PARD3: variants seen among roughly 807,000 people sequenced by gnomAD.
The protein encoded by PARD3 is partitioning defective 3 homolog.
A neutral mutation model predicts 155.4 loss-of-function variants in PARD3; 75 were observed. The ratio of observed to expected loss-of-function variants is 0.48; its 90% CI spans 0.40 to 0.58. PARD3 has a LOEUF of 0.58. Ranked by LOEUF, PARD3 falls within the 20% of genes least tolerant of loss-of-function variation. PARD3 has a pLI of 0.00. For synonymous variants in PARD3, 576 were observed against 610.5 expected (o/e 0.94, Z 0.83); for missense variants, 1,642 against 1,721.7 (o/e 0.95, Z 0.82).
intron 2 of PARD3, among the ~76,000 whole-genome samples, chr10:34,678,991 C>G (rs1004796499): frequency 6.6e-6 from 1 of 152,112 alleles, no homozygotes; most frequent in East Asian, 1.9e-4. Flanking sequence ...CCCCTTCGCT[C>G]TGTCTGCCAT....
intron 4 of PARD3, 126 bp downstream of exon 4, chr10:34,469,959 C>G (rs747620279): frequency 7.7e-6 from 5 of 646,188 alleles, no homozygotes; most frequent in Non-Finnish European, 1.0e-5. Flanking sequence ...GTTGGTACCA[C>G]GCTCACAAAA....
At chr10:34,686,729 A>G (rs11009873) in intron 2 of PARD3, among the ~76,000 whole-genome samples, 91,901 of 151,158 alleles carry the variant, frequency 0.61, 28,859 homozygotes, top group Non-Finnish European at 0.67. Flanking sequence ...AAACAAGAGC[A>G]AAACTCCATC....
At chr10:34,445,318 A>G (rs1464160599) in intron 5 of PARD3, among the ~76,000 whole-genome samples, 1 of 152,196 alleles carries the variant, frequency 6.6e-6, no homozygotes, top group South Asian at 2.1e-4. Flanking sequence ...TTCTGAAAAA[A>G]TTTGAGAGGG....
intron 3 of PARD3, among the ~76,000 whole-genome samples, chr10:34,512,571 G>GA (rs2081464840): frequency 6.6e-6 from 1 of 152,152 alleles, no homozygotes; most frequent in African/African-American, 2.4e-5. Flanking sequence ...CCCCTCAAAT[G>GA]AAAAATGCTA....
intron 20 of PARD3, among the ~76,000 whole-genome samples, chr10:34,306,262 C>T (rs1957404853): frequency 6.7e-6 from 1 of 149,938 alleles, no homozygotes; most frequent in South Asian, 2.1e-4. Context: ...GCCTGGGCGA[C>T]AGAGCAAGAA....
intron 9 of PARD3, among the ~76,000 whole-genome samples, chr10:34,380,456 T>C (rs1182418031): frequency 6.6e-6 from 1 of 152,166 alleles, no homozygotes; most frequent in African/African-American, 2.4e-5. Flanking sequence ...ATAATATCTG[T>C]ATTCAAAACA....
chr10:34,517,028 A>G lies in PARD3; in HGVS notation c.354T>C (p.Pro118=). The G allele has an allele frequency of 1.2e-6, 2 of 1,614,174 alleles. No individual in the cohort carries two copies. Among genetic ancestry groups the G allele is most frequent in the South Asian group, 2.2e-5 (2 of 91,078 alleles). Residue 118 remains proline (P), a synonymous_variant, in exon 3 of 25, where the codon CCT becomes CCC. Coordinates refer to ENST00000374788, the MANE Select transcript of PARD3 (RefSeq NM_001184785.2). ...LGTNNVSAFQ[P]YQATSEIEVT... ...CCTCAATTTCACTTGTTGCTTGGTA[A>G]GGCTGAAAGGCTGAGACATTGTTGG...
intron 5 of PARD3, among the ~76,000 whole-genome samples, chr10:34,424,027 C>T (rs1211578075): frequency 1.3e-5 from 2 of 152,124 alleles, no homozygotes; most frequent in African/African-American, 4.8e-5. Context: ...TGAAGATTAA[C>T]CCTTAAATTC....
At chr10:34,553,291 C>G (rs2084735912) in intron 2 of PARD3, among the ~76,000 whole-genome samples, 1 of 152,154 alleles carries the variant, frequency 6.6e-6, no homozygotes, top group Admixed American at 6.6e-5. Flanking sequence ...GCTTCCTCCC[C>G]AGTCTCTGAA....
At chr10:34,397,622 T>C (rs1053121863) in intron 7 of PARD3, among the ~76,000 whole-genome samples, 1 of 152,222 alleles carries the variant, frequency 6.6e-6, no homozygotes, top group African/African-American at 2.4e-5. Flanking sequence ...TTAATCTAGA[T>C]AGTAAGTTTA....
chr10:34,263,174 A>T (rs554153732), intron 22 of PARD3, among the ~76,000 whole-genome samples: 2 of 152,362 alleles, frequency 1.3e-5, no homozygotes, highest in East Asian at 3.9e-4. Context: ...TGAGAGTAAA[A>T]GCCCATTTCC....
intron 2 of PARD3, among the ~76,000 whole-genome samples, chr10:34,624,983 A>AGAAAGG (rs1231276828): frequency 5.3e-5 from 8 of 152,220 alleles, no homozygotes; most frequent in African/African-American, 9.6e-5. Flanking sequence ...GCAAAGACAT[A>AGAAAGG]CAAGAGCTAA....
intron 2 of PARD3, among the ~76,000 whole-genome samples, chr10:34,533,190 G>A (rs1383319556): frequency 7.2e-5 from 11 of 152,138 alleles, no homozygotes; most frequent in Non-Finnish European, 1.3e-4. Context: ...CCATATAAAT[G>A]TACGAAGGCA....
chr10:34,212,869 C>T (rs1951822599), intron 22 of PARD3, among the ~76,000 whole-genome samples: 1 of 152,162 alleles, frequency 6.6e-6, no homozygotes, highest in Admixed American at 6.5e-5. Flanking sequence ...ACCAACACTG[C>T]CACCAAACCT....
At chr10:34,312,956 A>G (rs1033058341) in intron 20 of PARD3, among the ~76,000 whole-genome samples, 2 of 152,226 alleles carry the variant, frequency 1.3e-5, no homozygotes, top group Non-Finnish European at 2.9e-5. Flanking sequence ...CTGACAATAC[A>G]GTATTTTATT....
intron 1 of PARD3, among the ~76,000 whole-genome samples, chr10:34,769,001 C>G (rs1838494791): frequency 6.6e-6 from 1 of 152,200 alleles, no homozygotes; most frequent in Non-Finnish European, 1.5e-5. Context: ...TCTCAAGGCT[C>G]GGATCAATAA....
intron 22 of PARD3, among the ~76,000 whole-genome samples, chr10:34,236,424 C>T (rs537957687): frequency 1.3e-5 from 2 of 152,114 alleles, no homozygotes; most frequent in South Asian, 2.1e-4. Flanking sequence ...ATAAAGAACA[C>T]GTAACACATT....
chr10:34,391,847 G>A (rs543600537), intron 7 of PARD3, among the ~76,000 whole-genome samples: 91 of 152,120 alleles, frequency 6.0e-4, no homozygotes, highest in African/African-American at 2.1e-3. Context: ...ACTCAAAAAC[G>A]CAAAACATTA....
At chr10:34,414,135 C>G (rs370659751) in intron 5 of PARD3, among the ~76,000 whole-genome samples, 2 of 151,784 alleles carry the variant, frequency 1.3e-5, no homozygotes, top group East Asian at 1.9e-4. Context: ...GAGGTCAACA[C>G]TGCAGTGAGC....
Sources: allele counts gnomAD v4.1 joint callset (sites outside exome capture counted in the v4.1 genomes callset), GRCh38; gene constraint gnomAD v4.1.1; transcripts MANE v1.5; gene names NCBI Gene and HGNC (gene_info 2026-07-23, HGNC 2026-07-21).